The following DNAH9 variants were observed in gnomAD, a reference collection of about 807,000 sequenced individuals.
The protein encoded by DNAH9 is dynein axonemal heavy chain 9, also known as DNAH9 variant protein.
In DNAH9, 345 loss-of-function variants were observed where a neutral mutation model predicts 471.6. The ratio of observed to expected loss-of-function variants is 0.73; its 90% CI spans 0.67 to 0.80. DNAH9 has a LOEUF of 0.80. Among genes scored for constraint, DNAH9 ranks in the 30% least tolerant of loss-of-function variants. The pLI, the probability that DNAH9 is intolerant of heterozygous loss-of-function variation, is 0.00. For missense variants in DNAH9, 5,407 were observed against 5,609.2 expected (o/e 0.96, Z 1.15); for synonymous variants, 2,093 against 2,123.6 (o/e 0.99, Z 0.40).
intron 6 of DNAH9, among the ~76,000 whole-genome samples, chr17:11,622,563 T>C (rs1179237693): frequency 6.6e-6 from 1 of 152,142 alleles, no homozygotes; most frequent in East Asian, 1.9e-4. Flanking sequence ...GCGGCCATGT[T>C]TGCAGATGCT....
intron 36 of DNAH9, among the ~76,000 whole-genome samples, 154 bp from the exon 37 acceptor site, chr17:11,768,299 G>A (rs1486216493): frequency 2.0e-5 from 3 of 152,198 alleles, no homozygotes; most frequent in African/African-American, 7.2e-5. Context: ...CCTTGGGGCA[G>A]CGCTGCCTTC....
At chr17:11,773,683 G>C (rs1407217889) in intron 38 of DNAH9, among the ~76,000 whole-genome samples, 1 of 152,182 alleles carries the variant, frequency 6.6e-6, no homozygotes, top group Non-Finnish European at 1.5e-5. Context: ...GGGTGGAATA[G>C]AGAATTATTT....
intron 32 of DNAH9, among the ~76,000 whole-genome samples, chr17:11,752,169 A>G (rs939350366): frequency 6.6e-6 from 1 of 152,244 alleles, no homozygotes; most frequent in Non-Finnish European, 1.5e-5. Context: ...CCAAATTAAT[A>G]TATAAATTTC....
At chr17:11,714,769 G>T (rs1259413733) in intron 26 of DNAH9, among the ~76,000 whole-genome samples, 1 of 152,178 alleles carries the variant, frequency 6.6e-6, no homozygotes, top group African/African-American at 2.4e-5. Context: ...TGCCATAGCT[G>T]GTTTTGAAGG....
intron 28 of DNAH9, among the ~76,000 whole-genome samples, chr17:11,735,873 A>G (rs1239988917): frequency 6.6e-6 from 1 of 152,158 alleles, no homozygotes; most frequent in East Asian, 1.9e-4. Flanking sequence ...CTGGCACAGC[A>G]CTCCTTCTGG....
At chr17:11,901,917 A>G (rs143800394) in intron 59 of DNAH9, among the ~76,000 whole-genome samples, 2 of 152,368 alleles carry the variant, frequency 1.3e-5, no homozygotes, top group African/African-American at 4.8e-5. Flanking sequence ...GTTCTACATT[A>G]GGAAGGATGG....
intron 59 of DNAH9, among the ~76,000 whole-genome samples, chr17:11,898,910 C>T (rs1973307896): frequency 6.6e-6 from 1 of 152,152 alleles, no homozygotes; most frequent in South Asian, 2.1e-4. Flanking sequence ...CTTCACTTTG[C>T]TTTTTTGTTT....
intron 50 of DNAH9, among the ~76,000 whole-genome samples, chr17:11,855,387 G>T (rs532864354): frequency 1.3e-5 from 2 of 152,292 alleles, no homozygotes; most frequent in East Asian, 3.9e-4. Context: ...TGTACAGCTT[G>T]TTTCACTTCC....
intron 32 of DNAH9, among the ~76,000 whole-genome samples, chr17:11,748,093 A>G (rs1966968817): frequency 7.3e-6 from 1 of 137,868 alleles, no homozygotes; most frequent in East Asian, 2.2e-4. Flanking sequence ...TCACGAGGTC[A>G]GGAGTTCGAG....
chr17:11,850,647 T>C (rs1373393459), intron 49 of DNAH9, among the ~76,000 whole-genome samples: 2 of 43,366 alleles, frequency 4.6e-5, no homozygotes, highest in African/African-American at 7.3e-5. Context: ...TGAGACTCCA[T>C]GTCAAAAAAA....
chr17:11,793,378 T>C (rs1969128132), intron 41 of DNAH9, 125 bp from the exon 42 acceptor site: 3 of 815,952 alleles, frequency 3.7e-6, no homozygotes, highest in East Asian at 2.7e-5. Flanking sequence ...ACTAGAATGA[T>C]CTGTTTAGCA....
In DNAH9 at chr17:11,704,294, A is replaced by G; in HGVS notation, c.5243A>G (p.Asp1748Gly). 6.2e-7 allele frequency: 1 copy of G among 1,614,164 alleles called. No homozygotes were observed. The highest frequency in any genetic ancestry group is 8.5e-7 in the Non-Finnish European group (1 of 1,180,024). ...GAAGGCTATGAGAGTGCCATGAAGGACTATTATAAGAAGCAAGTGGCCCAG... is the reference window on the plus strand; with the variant it reads ...GAAGGCTATGAGAGTGCCATGAAGGGCTATTATAAGAAGCAAGTGGCCCAG... The part of the protein sequence containing the change: ...LEEGYESAMK[D>G]YYKKQVAQLK... Residue 1748 changes from aspartate to glycine, a missense_variant, in exon 25 of 69, where the codon GAC becomes GGC. Physicochemically the swap from Asp to Gly is moderately conservative, Grantham distance 94 (BLOSUM62 -1). This residue lies in a region of DNAH9 where 4,636 missense variants were observed against 4,900.3 expected (regional missense o/e 0.95). Coordinates refer to ENST00000262442, the MANE Select transcript of DNAH9 (RefSeq NM_001372.4).
At chr17:11,685,568 T>G (rs954467104) in intron 19 of DNAH9, among the ~76,000 whole-genome samples, 1 of 152,078 alleles carries the variant, frequency 6.6e-6, no homozygotes, top group African/African-American at 2.4e-5. Flanking sequence ...TGGTGAGGCC[T>G]GATCAGAAGC....
intron 26 of DNAH9, 62 bp from the exon 27 acceptor site, chr17:11,719,272 G>A (rs2075014357): frequency 6.5e-7 from 1 of 1,543,806 alleles, no homozygotes; most frequent in Non-Finnish European, 8.9e-7. Flanking sequence ...ATGGCCTTGA[G>A]CCTTAGTCCT....
intron 2 of DNAH9, among the ~76,000 whole-genome samples, chr17:11,608,549 C>A (rs1220649618): frequency 1.3e-5 from 2 of 152,212 alleles, no homozygotes; most frequent in African/African-American, 4.8e-5. Flanking sequence ...AAGGCTATTA[C>A]AGCAATATGG....
intron 43 of DNAH9, among the ~76,000 whole-genome samples, chr17:11,802,604 C>T (rs1184003409): frequency 6.7e-6 from 1 of 149,264 alleles, no homozygotes; most frequent in Non-Finnish European, 1.5e-5. Flanking sequence ...TGCATTCCAG[C>T]CTGAGCAACA....
At chr17:11,868,766 T>A (rs940660021) in intron 50 of DNAH9, among the ~76,000 whole-genome samples, 1 of 152,030 alleles carries the variant, frequency 6.6e-6, no homozygotes, top group Non-Finnish European at 1.5e-5. Context: ...TTTCTCCAAC[T>A]CAAGCAGAGG....
At chr17:11,847,551 A>G (rs1257316927) in intron 49 of DNAH9, among the ~76,000 whole-genome samples, 2 of 152,088 alleles carry the variant, frequency 1.3e-5, no homozygotes, top group South Asian at 2.1e-4. Context: ...TGGGTTCTCT[A>G]TTCTGTTCCA....
intron 7 of DNAH9, among the ~76,000 whole-genome samples, chr17:11,631,513 T>C (rs1432582894): frequency 6.6e-6 from 1 of 151,922 alleles, no homozygotes; most frequent in Non-Finnish European, 1.5e-5. Context: ...GGCGTGGTGG[T>C]GCACACCTGT....
Sources: gnomAD v4.1 joint callset for allele counts (sites outside exome capture counted in the v4.1 genomes callset) on GRCh38, gnomAD v4.1.1 for gene constraint, gnomAD v4.1.1 regional missense constraint, MANE v1.5 for transcripts, NCBI Gene and HGNC (gene_info 2026-07-23, HGNC 2026-07-21) for gene names.